COMT: variants seen among roughly 807,000 people sequenced by gnomAD.
COMT encodes catechol-O-methyltransferase.
In COMT, 13 loss-of-function variants were observed where a neutral mutation model predicts 18.9. The ratio of observed to expected loss-of-function variants is 0.69; its 90% CI spans 0.45 to 1.09. The LOEUF is 1.09. Ranked by LOEUF, COMT falls within the 50% of genes least tolerant of loss-of-function variation. The pLI, the probability that COMT is intolerant of heterozygous loss-of-function variation, is 0.00. For synonymous variants in COMT, 150 were observed against 160.9 expected, an observed-to-expected ratio of 0.93 and a Z score of 0.51; for missense variants, 329 against 361.8, an observed-to-expected ratio of 0.91 and a Z score of 0.73.
intron 1 of COMT, among the ~76,000 whole-genome samples, chr22:19,959,913 G>A (rs1365989490): frequency 1.3e-5 from 2 of 151,870 alleles, no homozygotes; most frequent in African/African-American, 4.9e-5. Context: ...ACAGAGCCGC[G>A]GGCAGGTGGG....
At chr22:19,957,201 C>T (rs906230637) in intron 1 of COMT, among the ~76,000 whole-genome samples, 11 of 151,990 alleles carry the variant, frequency 7.2e-5, no homozygotes, top group African/African-American at 1.9e-4. Flanking sequence ...CTGCCCGCCC[C>T]GGCCTCCCAA....
Position 19,963,577 on chromosome 22 carries a change from G to A in COMT, c.301G>A (p.Asp101Asn). The A allele has an allele frequency of 6.2e-7, 1 of 1,612,418 alleles. No homozygotes were observed. The highest frequency in any genetic ancestry group is 8.5e-7 in the Non-Finnish European group (1 of 1,179,996). ...NVGDKKGKIV[D>N]AVIQEHQPSV... Reference sequence around the variant, plus strand: ...CCAACCCTGCACAGGCAAGATCGTGGACGCCGTGATTCAGGAGCACCAGCC... The same window carrying A: ...CCAACCCTGCACAGGCAAGATCGTGAACGCCGTGATTCAGGAGCACCAGCC... The change falls in exon 4 of 6, where the codon GAC becomes AAC. Residue 101 changes from aspartate to asparagine, a missense_variant. Transcript: ENST00000361682.
chr22:19,960,740 G>A (rs947519138), intron 1 of COMT, among the ~76,000 whole-genome samples: 1 of 152,254 alleles, frequency 6.6e-6, no homozygotes, highest in African/African-American at 2.4e-5. Flanking sequence ...TTTCCTGTGA[G>A]CTGCATGTTG....
At chr22:19,945,379 G>A (rs1422254009) in intron 1 of COMT, among the ~76,000 whole-genome samples, 1 of 152,170 alleles carries the variant, frequency 6.6e-6, no homozygotes, top group African/African-American at 2.4e-5. Context: ...AAAGCCATCT[G>A]GTCATAGCTG....
At chr22:19,961,777 T>G (rs1275427206) in intron 2 of COMT, 1 of 152,412 alleles carries the variant, frequency 6.6e-6, no homozygotes, top group Non-Finnish European at 1.5e-5. Context: ...CTCACCAGGC[T>G]TCTGTCTGGT....
intron 2 of COMT, chr22:19,962,240 C>G (rs1942208850): frequency 3.8e-6 from 2 of 528,536 alleles, no homozygotes; most frequent in Non-Finnish European, 6.9e-6. Context: ...TAGAGGATCC[C>G]TGGGCTGCCT....
intron 1 of COMT, among the ~76,000 whole-genome samples, chr22:19,944,642 G>T (rs1330172156): frequency 1.3e-5 from 2 of 152,154 alleles, no homozygotes; most frequent in Admixed American, 1.3e-4. Flanking sequence ...GGCTAACACG[G>T]TGAAACCCCA....
At chr22:19,945,638 A>G (rs550274150) in intron 1 of COMT, among the ~76,000 whole-genome samples, 10 of 152,258 alleles carry the variant, frequency 6.6e-5, no homozygotes, top group African/African-American at 2.2e-4. Context: ...CGAGTCATTG[A>G]TAGGTTAAGA....
At chr22:19,951,283 C>T (rs113917591) in intron 1 of COMT, among the ~76,000 whole-genome samples, 5,569 of 134,358 alleles carry the variant, frequency 0.041, 269 homozygotes, top group African/African-American at 0.12. Flanking sequence ...GGCATGAACC[C>T]GGGGGACGGA....
chr22:19,964,053 T>G, intron 4 of COMT, 115 bp from the exon 5 acceptor site: 1 of 1,589,042 alleles, frequency 6.3e-7, no homozygotes, highest in Non-Finnish European at 8.6e-7. Flanking sequence ...TGTATGGGTG[T>G]GTAAAGATGG....
chr22:19,953,807 C>T (rs1431689150), intron 1 of COMT, among the ~76,000 whole-genome samples: 2 of 152,200 alleles, frequency 1.3e-5, no homozygotes, highest in Non-Finnish European at 2.9e-5. Context: ...CAGGCCTGCC[C>T]TCTGCTGGGA....
rs1481503804 is a variant in COMT, at chr22:19,968,631, C to T, written c.711C>T (p.Ser237=). 6.2e-7 allele frequency: 1 copy of T among 1,614,098 alleles called. No homozygotes were observed. The highest frequency in any genetic ancestry group is 1.3e-5 in the African/African-American group (1 of 75,042). Residue 237 remains serine, a synonymous_variant, in exon 6 of 6, where the codon AGC becomes AGT. Transcript: ENST00000361682. ...TCCTAGCACACGTGCGCGGGAGCAG[C>T]TGCTTTGAGTGCACACACTACCAAT... is the stretch of plus-strand genomic sequence containing the variant. The part of the protein sequence containing the change: ...PDFLAHVRGS[S]CFECTHYQSF...
intron 1 of COMT, chr22:19,951,772 G>A (rs1941944448): frequency 6.6e-6 from 1 of 152,304 alleles, no homozygotes; most frequent in South Asian, 2.1e-4. Flanking sequence ...GGACTCAGTG[G>A]AGTGAGGAAA....
Position 19,963,778 on chromosome 22 carries a change from T to C in COMT, c.483+19T>C. ...GGACAAGGTGTGCATGCCTGACCCG[T>C]TGTCAGACCTGGAAAAAGGGCCGGC... On this transcript the variant is annotated intron_variant, in intron 4 of 5. Transcript: ENST00000361682. 1 of 1,605,846 alleles carries C rather than the reference T, an allele frequency of 6.2e-7. No individual in the cohort carries two copies. Among genetic ancestry groups the C allele is most frequent in the Non-Finnish European group, 8.5e-7 (1 of 1,178,832 alleles).
At chr22:19,945,043 G>A (rs1457982281) in intron 1 of COMT, among the ~76,000 whole-genome samples, 1 of 152,092 alleles carries the variant, frequency 6.6e-6, no homozygotes, top group African/African-American at 2.4e-5. Flanking sequence ...AATGCAGCAC[G>A]AACAGTAATT....
intron 5 of COMT, chr22:19,966,952 T>A: frequency 2.0e-6 from 2 of 985,406 alleles, no homozygotes; most frequent in Non-Finnish European, 2.4e-6. Context: ...AGATTTTCAG[T>A]CCTGCTCAGA....
chr22:19,954,409 G>A (rs140236363), intron 1 of COMT, among the ~76,000 whole-genome samples: 5 of 152,224 alleles, frequency 3.3e-5, no homozygotes, highest in Non-Finnish European at 5.9e-5. Flanking sequence ...TGCCATGGTC[G>A]GATGAGAGCA....
In COMT at chr22:19,941,871, A is replaced by G. The variant is rs569697628; in HGVS notation, c.-118A>G. On this transcript the variant is annotated 5_prime_UTR_variant, in exon 1 of 6. Transcript: ENST00000361682. ...GCCTGCGCCGGACCGGGGCGGGTCC[A>G]GTCCCGGGCGGGCCGTCGCGGGAGA... The G allele has an allele frequency of 2.6e-5, 37 of 1,401,360 alleles. No homozygotes were observed. The African/African-American group carries it at 4.6e-4, about 17-fold the overall frequency. The allele number at this position is 1,401,360 out of a possible 1,614,324, so 86.8% of individuals were successfully genotyped here.
At chr22:19,952,425 G>A (rs942181022) in intron 1 of COMT, among the ~76,000 whole-genome samples, 1 of 152,146 alleles carries the variant, frequency 6.6e-6, no homozygotes, top group Non-Finnish European at 1.5e-5. Context: ...GGATCATGAG[G>A]TCAGGAGATC....
Sources: allele counts gnomAD v4.1 joint callset (sites outside exome capture counted in the v4.1 genomes callset), GRCh38; gene constraint gnomAD v4.1.1; transcripts MANE v1.5; gene names NCBI Gene and HGNC (gene_info 2026-07-23, HGNC 2026-07-21).